Variants in MET observed in about 807,000 individuals in gnomAD.
MET encodes MET proto-oncogene, receptor tyrosine kinase.
In MET, 48 loss-of-function variants were observed where a neutral mutation model predicts 133.1. The ratio of observed to expected loss-of-function variants is 0.36; its 90% CI spans 0.29 to 0.46. MET has a LOEUF of 0.46. Ranked by LOEUF, MET falls within the 20% of genes least tolerant of loss-of-function variation. The pLI, the probability that MET is intolerant of heterozygous loss-of-function variation, is 1.00. For synonymous variants in MET, 628 were observed against 616.5 expected (o/e 1.02, Z -0.28); for missense variants, 1,442 against 1,695.9 (o/e 0.85, Z 2.63).
chr7:116,761,633 G>T (rs1794400243), intron 10 of MET, among the ~76,000 whole-genome samples: 1 of 152,022 alleles, frequency 6.6e-6, no homozygotes, highest in Admixed American at 6.6e-5. Context: ...TGCCCTAGGA[G>T]CCTGCAGTTT....
At chr7:116,742,026 G>A (rs1793476543) in intron 5 of MET, among the ~76,000 whole-genome samples, 1 of 152,098 alleles carries the variant, frequency 6.6e-6, no homozygotes, top group South Asian at 2.1e-4. Flanking sequence ...CACTTCCCTG[G>A]TGAGAACCCA....
intron 19 of MET, among the ~76,000 whole-genome samples, chr7:116,785,746 G>GA (rs1795292533): frequency 6.6e-6 from 1 of 152,222 alleles, no homozygotes; most frequent in Non-Finnish European, 1.5e-5. Flanking sequence ...GAAAGGAAGA[G>GA]ATGAAAGGAG....
rs1258671501 is a variant in MET, at chr7:116,795,957, C to T, written c.4006C>T (p.Arg1336Trp). The part of the protein sequence containing the change: ...MRPSFSELVS[R>W]ISAIFSTFIG... The stretch of plus-strand genomic sequence containing the variant: ...CCCATCCTTTTCTGAACTGGTGTCC[C>T]GGATATCAGCGATCTTCTCTACTTT... Residue 1336 changes from arginine (R) to tryptophan (W), a missense_variant, in exon 21 of 21, where the codon CGG (arginine) becomes TGG (tryptophan). Coordinates refer to ENST00000397752, the MANE Select transcript of MET (RefSeq NM_000245.4). 4 of 1,614,128 alleles carry T rather than the reference C, an allele frequency of 2.5e-6. No individual in the cohort carries two copies. The highest frequency in any genetic ancestry group is 2.2e-5 in the East Asian group (1 of 44,882).
At chr7:116,781,158 G>A (rs750427793) in intron 17 of MET, among the ~76,000 whole-genome samples, 7 of 152,028 alleles carry the variant, frequency 4.6e-5, no homozygotes, top group Non-Finnish European at 1.0e-4. Context: ...CTCCAGATTG[G>A]CCAGCTCCAA....
rs1191752014 is a variant in MET, at chr7:116,778,790, G to A, written c.3355G>A (p.Gly1119Arg). 40 of 1,613,846 alleles carry A rather than the reference G, an allele frequency of 2.5e-5. No individual in the cohort carries two copies. Among genetic ancestry groups the A allele is most frequent in the Non-Finnish European group, 3.1e-5 (37 of 1,179,938 alleles). The change falls in exon 17 of 21, where the codon GGA (glycine) becomes AGA (arginine). Residue 1119 changes from glycine to arginine, a missense_variant. Physicochemically the swap from Gly to Arg is moderately radical, Grantham distance 125. Coordinates refer to ENST00000397752, the MANE Select transcript of MET (RefSeq NM_000245.4). ...GGATTTCTCAGGAATCACTGACATAGGAGAAGTTTCCCAATTTCTGACCGA... is the reference window on the plus strand; with the variant it reads ...GGATTTCTCAGGAATCACTGACATAAGAGAAGTTTCCCAATTTCTGACCGA... ...VKSLNRITDI[G>R]EVSQFLTEGI...
At chr7:116,779,407 C>A (rs1216061305) in intron 17 of MET, among the ~76,000 whole-genome samples, 1 of 152,210 alleles carries the variant, frequency 6.6e-6, no homozygotes, top group Non-Finnish European at 1.5e-5. Context: ...GCTCCCTCAG[C>A]CTGGAACACT....
chr7:116,716,525 G>T (rs1792243233), intron 2 of MET, among the ~76,000 whole-genome samples: 1 of 145,496 alleles, frequency 6.9e-6, no homozygotes, highest in African/African-American at 2.6e-5. Flanking sequence ...AAGAAAGAAA[G>T]AAAGAAAGAA....
intron 19 of MET, among the ~76,000 whole-genome samples, chr7:116,794,465 G>T (rs1226552031): frequency 6.6e-6 from 1 of 152,226 alleles, no homozygotes. Flanking sequence ...GCAGTCAGCA[G>T]CCATCAAGGG....
intron 2 of MET, chr7:116,724,740 G>C: frequency 9.3e-7 from 1 of 1,079,770 alleles, no homozygotes. Context: ...AGAGAATTTC[G>C]AAATCAATTC....
At chr7:116,792,295 C>CT (rs1434580290) in intron 19 of MET, among the ~76,000 whole-genome samples, 4 of 152,146 alleles carry the variant, frequency 2.6e-5, no homozygotes, top group African/African-American at 9.7e-5. Context: ...TCCAGATGAG[C>CT]TTATTGCTGG....
intron 15 of MET, among the ~76,000 whole-genome samples, chr7:116,776,534 GCTA>G (rs1355075163): frequency 6.6e-6 from 1 of 152,068 alleles, no homozygotes; most frequent in Non-Finnish European, 1.5e-5. Context: ...ATAAATATTA[GCTA>G]CTATGTATTT....
At chr7:116,727,778 G>T (rs1297363533) in intron 2 of MET, among the ~76,000 whole-genome samples, 1 of 152,196 alleles carries the variant, frequency 6.6e-6, no homozygotes, top group African/African-American at 2.4e-5. Context: ...TGTGTCTACA[G>T]TGCTGAGATA....
chr7:116,737,795 G>C (rs139963946), intron 3 of MET, among the ~76,000 whole-genome samples: 137 of 152,284 alleles, frequency 9.0e-4, no homozygotes, highest in African/African-American at 3.1e-3. Flanking sequence ...AAAAGAAAGA[G>C]AAAGGTTAAT....
intron 1 of MET, among the ~76,000 whole-genome samples, chr7:116,685,311 C>T (rs1484792652): frequency 1.3e-5 from 2 of 152,140 alleles, no homozygotes; most frequent in East Asian, 1.9e-4. Flanking sequence ...AATCTCTAGC[C>T]CAGACCTTTC....
At chr7:116,712,003 C>G (rs1346253737) in intron 2 of MET, among the ~76,000 whole-genome samples, 3 of 152,138 alleles carry the variant, frequency 2.0e-5, no homozygotes, top group Non-Finnish European at 2.9e-5. Flanking sequence ...CACTGAACAA[C>G]AATGAGGAAG....
intron 1 of MET, among the ~76,000 whole-genome samples, chr7:116,681,131 A>G (rs1190783798): frequency 6.6e-6 from 1 of 152,042 alleles, no homozygotes. Flanking sequence ...TCCAGTCCTA[A>G]ATTGGGCCTC....
Position 116,700,304 on chromosome 7 carries a change from CA to C in MET, c.1200+21del, listed in dbSNP as rs1562884742. ...AATAGGGTAAGTCACATCAGTTCCC[CA>C]CTTATAAACTGTGAGGTATAAATTA... On this transcript the variant is annotated intron_variant, in intron 2 of 20. Transcript: ENST00000397752. 3.8e-6 allele frequency: 6 copies of C among 1,596,014 alleles called. No homozygotes were observed. The highest frequency in any genetic ancestry group is 5.1e-6 in the Non-Finnish European group (6 of 1,177,846).
chr7:116,772,536 C>T (rs891014955), intron 14 of MET, among the ~76,000 whole-genome samples: 1 of 152,110 alleles, frequency 6.6e-6, no homozygotes, highest in Non-Finnish European at 1.5e-5. Flanking sequence ...ATATCATCAG[C>T]TTTGTAAAAC....
intron 2 of MET, among the ~76,000 whole-genome samples, chr7:116,720,117 C>T (rs1792421407): frequency 1.3e-5 from 2 of 152,184 alleles, no homozygotes; most frequent in Admixed American, 1.3e-4. Flanking sequence ...TCTTCCTACC[C>T]ATGAGCATGT....
Sources: allele counts gnomAD v4.1 joint callset (sites outside exome capture counted in the v4.1 genomes callset), GRCh38; gene constraint gnomAD v4.1.1; transcripts MANE v1.5; gene names NCBI Gene and HGNC (gene_info 2026-07-23, HGNC 2026-07-21).